SHD: variants seen among roughly 807,000 people sequenced by gnomAD.
The protein encoded by SHD is Src homology 2 domain containing transforming protein D, also known as SH2 domain-containing adapter protein D.
SHD carries 29 observed loss-of-function variants against 31.2 expected under a neutral mutation model. The ratio of observed to expected loss-of-function variants is 0.93; its 90% CI spans 0.69 to 1.27. The LOEUF (loss-of-function observed/expected upper bound fraction) is 1.27. Among genes scored for constraint, SHD ranks in the 50% most tolerant of loss-of-function variants. SHD has a pLI of 0.00. For synonymous variants in SHD, 208 were observed against 187.8 expected (o/e 1.11, Z -0.88); for missense variants, 520 against 453.8 (o/e 1.15, Z -1.33).
At chr19:4,284,479 C>T in intron 3 of SHD, 2 of 231,598 alleles carry the variant, frequency 8.6e-6, no homozygotes, top group Non-Finnish European at 1.7e-5. Context: ...ACAGTCTGGG[C>T]TGAACCCCAG....
Position 4,280,263 on chromosome 19 carries a change from G to A in SHD, c.200G>A (p.Gly67Glu). The A allele has an allele frequency of 1.2e-6, 2 of 1,613,538 alleles. No individual in the cohort carries two copies. Among genetic ancestry groups the A allele is most frequent in the Non-Finnish European group, 1.7e-6 (2 of 1,179,880 alleles). ...GGCCCTGGGGACTCCAAGAACCCCGGAGATGCCAAGTATGGTTCTCCCAAG... is the reference window on the plus strand; with the variant it reads ...GGCCCTGGGGACTCCAAGAACCCCGAAGATGCCAAGTATGGTTCTCCCAAG... ...PAGPGDSKNP[G>E]DAKYGSPKHR... The change falls in exon 1 of 6, where the codon GGA becomes GAA. Residue 67 changes from glycine to glutamate, a missense_variant. Physicochemically the swap from Gly to Glu is moderately conservative, Grantham distance 98. Transcript: ENST00000543264.
intron 1 of SHD, among the ~76,000 whole-genome samples, chr19:4,281,089 C>T (rs1387993470): frequency 2.0e-5 from 3 of 152,008 alleles, no homozygotes; most frequent in Non-Finnish European, 4.4e-5. Context: ...AGAAGCGAAA[C>T]TGAGGCTCGC....
intron 4 of SHD, among the ~76,000 whole-genome samples, chr19:4,286,319 CCTTCCTTCCTTCCTTCCTTT>C (rs1291633008): frequency 2.3e-5 from 3 of 129,862 alleles, no homozygotes; most frequent in African/African-American, 9.7e-5. Flanking sequence ...TTCCTTCCTA[CCTTCCTTCCTTCCTTCCTTT>C]CTTTCTCTCT....
At chr19:4,286,247 CTTT>C (rs1971312203) in intron 4 of SHD, among the ~76,000 whole-genome samples, 7 of 110,154 alleles carry the variant, frequency 6.4e-5, no homozygotes, top group African/African-American at 2.5e-4. Flanking sequence ...TTCTTTCTTT[CTTT>C]CTTTCTTTCT....
chr19:4,284,746 G>T, intron 3 of SHD, 35 bp from the exon 4 acceptor site: 2 of 1,544,892 alleles, frequency 1.3e-6, no homozygotes, highest in South Asian at 2.4e-5. Flanking sequence ...AGGTAGGCTG[G>T]ACTTAACCCT....
intron 3 of SHD, 117 bp from the exon 4 acceptor site, chr19:4,284,664 G>C: frequency 7.9e-7 from 1 of 1,272,992 alleles, no homozygotes; most frequent in Admixed American, 2.8e-5. Flanking sequence ...CCCCTGGGCT[G>C]TGATAGGTTG....
chr19:4,283,486 G>A (rs1408219815), intron 3 of SHD, among the ~76,000 whole-genome samples: 1 of 152,162 alleles, frequency 6.6e-6, no homozygotes, highest in East Asian at 1.9e-4. Context: ...CCTGCTCAGT[G>A]TGGTGTGGGG....
At chr19:4,285,872 T>TC (rs1971303316) in intron 4 of SHD, among the ~76,000 whole-genome samples, 4 of 140,866 alleles carry the variant, frequency 2.8e-5, no homozygotes, top group South Asian at 2.4e-4. Flanking sequence ...TCTCTTCTCT[T>TC]TCTTTTCTTT....
In SHD at chr19:4,283,552, CTTTAT is replaced by C. The variant is rs568664458; in HGVS notation, c.592+334_592+338del. Among the ~76,000 whole-genome samples, 43 of 147,672 alleles carry C rather than the reference CTTTAT, an allele frequency of 2.9e-4. No individual in the cohort carries two copies. The South Asian group carries it at 3.8e-3, about 13-fold the overall frequency. On this transcript the variant is annotated intron_variant, in intron 3 of 5. Transcript: ENST00000543264. Reference sequence around the variant, plus strand: ...TGTGGGGGTGGCAGGGGCAGCATTTCTTTATTTTATTTTATTTTATTTTATTTTTC... The same window carrying C: ...TGTGGGGGTGGCAGGGGCAGCATTTCTTTATTTTATTTTATTTTATTTTTC...
At chr19:4,280,789 A>G (rs889721735) in intron 1 of SHD, among the ~76,000 whole-genome samples, 2 of 152,054 alleles carry the variant, frequency 1.3e-5, no homozygotes, top group Non-Finnish European at 2.9e-5. Context: ...TGCCTCCCGA[A>G]GTGCTGGGAT....
In SHD at chr19:4,290,663, C is replaced by T. The variant is rs371334525; in HGVS notation, c.*30C>T. The T allele has an allele frequency of 3.9e-5, 61 of 1,556,048 alleles. No homozygotes were observed. Among genetic ancestry groups the T allele is most frequent in the Middle Eastern group, 1.9e-4 (1 of 5,284 alleles). ...GACCCTCGGCCCCCTTTTGAGTCCT[C>T]GGGCCCAGAATCGTATCCCAAAGCC... On this transcript the variant is annotated 3_prime_UTR_variant, in exon 6 of 6. Coordinates refer to ENST00000543264, the MANE Select transcript of SHD (RefSeq NM_020209.4).
chr19:4,286,226 CTTT>C (rs55787477), intron 4 of SHD, among the ~76,000 whole-genome samples: 8,781 of 113,312 alleles, frequency 0.077, 513 homozygotes, highest in Admixed American at 0.11. Flanking sequence ...TTCTTTCTTT[CTTT>C]CTTTTCTTTC....
chr19:4,284,740 A>T, intron 3 of SHD, 41 bp from the exon 4 acceptor site: 1 of 1,502,536 alleles, frequency 6.7e-7, no homozygotes, highest in Non-Finnish European at 9.0e-7. Flanking sequence ...CCCCCAAGGT[A>T]GGCTGGACTT....
chr19:4,283,155 C>T lies in SHD; in HGVS notation c.505C>T (p.Arg169Trp), dbSNP rs1044255905. 5 of 1,613,986 alleles carry T rather than the reference C, an allele frequency of 3.1e-6. No homozygotes were observed. The African/African-American group carries it at 5.3e-5, about 17-fold the overall frequency. Residue 169 changes from arginine to tryptophan, a missense_variant, in exon 3 of 6, where the codon CGG becomes TGG. By Grantham distance (101) the Arg-to-Trp change is moderately radical (BLOSUM62 -3). Transcript: ENST00000543264. Reference protein sequence around the residue: ...PPSGQKPRQSRMPQEDERPAD... With the variant: ...PPSGQKPRQSWMPQEDERPAD... ...TTCTGGGCAGAAGCCTCGGCAGAGC[C>T]GGATGCCCCAGGAAGATGAACGGCC... is the stretch of plus-strand genomic sequence containing the variant.
chr19:4,288,065 CT>C, intron 4 of SHD, 177 bp from the exon 5 acceptor site: 1 of 597,086 alleles, frequency 1.7e-6, no homozygotes, highest in Non-Finnish European at 2.5e-6. Flanking sequence ...CCACGCCCGG[CT>C]AATTTTTTTT....
At chr19:4,281,989 A>C (rs1218707056) in intron 1 of SHD, among the ~76,000 whole-genome samples, 1 of 152,146 alleles carries the variant, frequency 6.6e-6, no homozygotes, top group Non-Finnish European at 1.5e-5. Flanking sequence ...GTGCACGGAG[A>C]AGCACTGAAG....
At position 4,282,878 on chromosome 19, in the gene SHD, C is replaced by T. The variant is rs111528734; in HGVS notation, c.306C>T (p.Ala102=). 8.7e-6 allele frequency: 14 copies of T among 1,613,868 alleles called. No individual in the cohort carries two copies. Among genetic ancestry groups the T allele is most frequent in the Admixed American group, 5.0e-5 (3 of 59,956 alleles). The change falls in exon 2 of 6, where the codon GCC becomes GCT. Residue 102 remains alanine (A), a synonymous_variant. Transcript: ENST00000543264. ...LLGGPGEELE[A]DTEYLDPFDA... Reference sequence around the variant, plus strand: ...CTTCCTTCTCTCCGCAGCTGGAAGCCGACACTGAGTATTTAGACCCCTTTG... The same window carrying T: ...CTTCCTTCTCTCCGCAGCTGGAAGCTGACACTGAGTATTTAGACCCCTTTG...
chr19:4,286,680 A>ACT (rs1971322160), intron 4 of SHD, among the ~76,000 whole-genome samples: 2 of 151,724 alleles, frequency 1.3e-5, no homozygotes, highest in South Asian at 4.2e-4. Flanking sequence ...TGGGCAGATC[A>ACT]TGAGGTCAAG....
Position 4,280,103 on chromosome 19 carries a change from C to G in SHD, c.40C>G (p.Arg14Gly). The change falls in exon 1 of 6, where the codon CGG (arginine) becomes GGG (glycine). Residue 14 changes from arginine to glycine, a missense_variant. Physicochemically the swap from Arg to Gly is moderately radical, Grantham distance 125. Coordinates refer to ENST00000543264, the MANE Select transcript of SHD (RefSeq NM_020209.4). ...WLRDYLSFGG[R>G]RPPPQPPTPD... The stretch of plus-strand genomic sequence containing the variant: ...ACGGGACTACCTGAGCTTTGGGGGT[C>G]GGAGGCCCCCTCCGCAGCCGCCCAC... 1.2e-6 allele frequency: 2 copies of G among 1,612,104 alleles called. No homozygotes were observed. Among genetic ancestry groups the G allele is most frequent in the Middle Eastern group, 1.7e-4 (1 of 6,058 alleles).
Sources: allele counts gnomAD v4.1 joint callset (sites outside exome capture counted in the v4.1 genomes callset), GRCh38; gene constraint gnomAD v4.1.1; transcripts MANE v1.5; gene names NCBI Gene and HGNC (gene_info 2026-07-23, HGNC 2026-07-21).